The following NOTCH3 variants were observed in gnomAD, a reference collection of about 807,000 sequenced individuals.
NOTCH3 encodes the protein neurogenic locus notch homolog protein 3.
NOTCH3 carries 86 observed loss-of-function variants against 213.3 expected under a neutral mutation model. The ratio of observed to expected loss-of-function variants is 0.40; its 90% confidence interval spans 0.34 to 0.48. The LOEUF (loss-of-function observed/expected upper bound fraction) is 0.48. NOTCH3 is among the 20% of genes least tolerant of loss of function. The pLI, the probability that NOTCH3 is intolerant of heterozygous loss-of-function variation, is 0.57. For missense variants in NOTCH3, 2,783 were observed against 3,272.6 expected (o/e 0.85, Z 3.65); for synonymous variants, 1,354 against 1,355.9 (o/e 1.00, Z 0.03).
rs963043530 is a variant in NOTCH3, at chr19:15,161,829, C to G, written c.5914-115G>C. 1.0e-5 allele frequency: 9 copies of G among 885,616 alleles called. No individual in the cohort carries two copies. The African/African-American group carries it at 1.2e-4, about 11-fold the overall frequency. The allele number at this position is 885,616 out of a possible 1,614,324, so 54.9% of individuals were successfully genotyped here. On this transcript the variant is annotated intron_variant, in intron 32 of 32. Transcript: ENST00000263388. ...GTTTGTACACTGGAGCTTGACAGACCTGGGTTAAATCCCGGCTGTGCTGGG... is the reference window on the plus strand; with the variant it reads ...GTTTGTACACTGGAGCTTGACAGACGTGGGTTAAATCCCGGCTGTGCTGGG...
At chr19:15,192,620 G>T in intron 2 of NOTCH3, 101 bp from the exon 3 acceptor site, 1 of 1,477,122 alleles carries the variant, frequency 6.8e-7, no homozygotes, top group Non-Finnish European at 9.1e-7. Context: ...AAACAGAGCA[G>T]CAAACACACA....
At position 15,192,123 on chromosome 19, in the gene NOTCH3, G is replaced by A. The variant is rs2145441825; in HGVS notation, c.516C>T (p.Gly172=). The A allele has an allele frequency of 6.2e-7, 1 of 1,613,070 alleles. No individual in the cohort carries two copies. Among genetic ancestry groups the A allele is most frequent in the Non-Finnish European group, 8.5e-7 (1 of 1,180,018 alleles). Residue 172 remains glycine, a synonymous_variant, in exon 4 of 33, where the codon GGC becomes GGT. Coordinates refer to ENST00000263388, the MANE Select transcript of NOTCH3 (RefSeq NM_000435.3). Reference sequence around the variant, plus strand: ...AGGAGCCAGGTGTGTTGAGGCAGGTGCCACCATGGCGGCAGGGCTCACCCA... The same window carrying A: ...AGGAGCCAGGTGTGTTGAGGCAGGTACCACCATGGCGGCAGGGCTCACCCA... The part of the protein sequence containing the change: ...CRVGEPCRHG[G]TCLNTPGSFR...
chr19:15,187,202 G>A lies in NOTCH3; in HGVS notation c.1743C>T (p.Ser581=), dbSNP rs980704706. The part of the protein sequence containing the change: ...APGYTGTRCE[S]QVDECRSQPC... ...GCTGGCTGCGGCATTCGTCCACCTG[G>A]CTCTCGCAGCGTGTGCCCGTGTAGC... The change falls in exon 11 of 33, where the codon AGC becomes AGT. Residue 581 remains serine (S), a synonymous_variant. Coordinates refer to ENST00000263388, the MANE Select transcript of NOTCH3 (RefSeq NM_000435.3). 1 of 1,613,946 alleles carries A rather than the reference G, an allele frequency of 6.2e-7. No individual in the cohort carries two copies. The highest frequency in any genetic ancestry group is 1.3e-5 in the African/African-American group (1 of 74,938).
chr19:15,165,728 AC>A lies in NOTCH3; in HGVS notation c.5667+58del. 1 of 1,582,634 alleles carries A rather than the reference AC, an allele frequency of 6.3e-7. No individual in the cohort carries two copies. ...TCTGAAAGGCAGAACTGGGGCTCAA[AC>A]CCAGGTAAGTCTAATGCCTGCCCCA... is the stretch of plus-strand genomic sequence containing the variant. On this transcript the variant is annotated intron_variant, in intron 30 of 32. Transcript: ENST00000263388. This position sits in a 1 kb window ranked among gnomAD's most constrained non-coding sequence, Gnocchi z 4.7.
rs376329316 is a variant in NOTCH3 at position 15,181,570 on chromosome 19, G to A, written c.2792+6C>T. ...TCCCTGCTCTCCAAGCAGAGGCCCC[G>A]CCCACCTGGGGCTGCAGTCGGGCAG... On this transcript the variant is annotated splice_donor_region_variant and intron_variant, in intron 17 of 32. Coordinates refer to ENST00000263388, the MANE Select transcript of NOTCH3 (RefSeq NM_000435.3). 18 of 1,549,154 alleles carry A rather than the reference G, an allele frequency of 1.2e-5. No individual in the cohort carries two copies. Among genetic ancestry groups the A allele is most frequent in the Non-Finnish European group, 3.5e-6 (4 of 1,145,886 alleles).
At chr19:15,166,829 C>G (rs1257058067) in intron 29 of NOTCH3, among the ~76,000 whole-genome samples, 2 of 152,196 alleles carry the variant, frequency 1.3e-5, no homozygotes, top group African/African-American at 2.4e-5. Context: ...CCCCCACCAG[C>G]TCAAAGACAG....
In NOTCH3 at chr19:15,159,076, G is replaced by A. The variant is rs897917853; in HGVS notation, c.*1586C>T. On this transcript the variant is annotated 3_prime_UTR_variant, in exon 33 of 33. Transcript: ENST00000263388. ...GAAGTATTTATTACATGGGTCCAAG[G>A]TTATCTCCAAAACCCATAGGAGCAT... The A allele has an allele frequency of 6.6e-6, 1 of 152,232 alleles. No individual in the cohort carries two copies. Among genetic ancestry groups the A allele is most frequent in the African/African-American group, 2.4e-5 (1 of 41,544 alleles). The allele number at this position is 152,232 out of a possible 1,614,324, so 9.4% of individuals were successfully genotyped here.
intron 24 of NOTCH3, among the ~76,000 whole-genome samples, chr19:15,175,556 C>CAAATAT (rs771312789): frequency 1.1e-5 from 1 of 90,218 alleles, no homozygotes; most frequent in Non-Finnish European, 1.9e-5. Flanking sequence ...AAAAAAAATA[C>CAAATAT]ATATATATAT....
intron 29 of NOTCH3, 80 bp downstream of exon 29, chr19:15,167,169 C>A: frequency 1.3e-6 from 2 of 1,502,950 alleles, no homozygotes; most frequent in African/African-American, 1.4e-5. Context: ...CCAGTTCTCC[C>A]CAAAACACAG....
At chr19:15,200,178 G>C (rs1040473106) in intron 1 of NOTCH3, among the ~76,000 whole-genome samples, 1 of 150,662 alleles carries the variant, frequency 6.6e-6, no homozygotes, top group Admixed American at 6.6e-5. Context: ...CAGGGCCTCC[G>C]GGTCCCCGCG....
rs1424473724 is a variant in NOTCH3 at position 15,160,643 on chromosome 19, C to A, written c.*19G>T. Reference sequence around the variant, plus strand: ...GGGGGTCTCTTTAGGCCCCCAAGATCTAAGAACTGACGAGCGTCTCAGGCC... The same window carrying A: ...GGGGGTCTCTTTAGGCCCCCAAGATATAAGAACTGACGAGCGTCTCAGGCC... On this transcript the variant is annotated 3_prime_UTR_variant, in exon 33 of 33. Transcript: ENST00000263388. 1.2e-6 allele frequency: 2 copies of A among 1,602,438 alleles called. No homozygotes were observed. Among genetic ancestry groups the A allele is most frequent in the Non-Finnish European group, 1.7e-6 (2 of 1,169,476 alleles).
rs116216191 is a variant in NOTCH3 at position 15,166,131 on chromosome 19, G to A, written c.5363-40C>T. ...GTGTGTCAGCAGGAAGGTAAACACAGGGCCTTTTCCAGGAAATGTTATCAA... is the reference window on the plus strand; with the variant it reads ...GTGTGTCAGCAGGAAGGTAAACACAAGGCCTTTTCCAGGAAATGTTATCAA... On this transcript the variant is annotated intron_variant, in intron 29 of 32. Transcript: ENST00000263388. 1,593 of 1,573,486 alleles carry A rather than the reference G, an allele frequency of 1.0e-3. 18 individuals carry two copies. The African/African-American group carries it at 0.02, about 20-fold the overall frequency.
rs1293818512 is a variant in NOTCH3 at position 15,173,042 on chromosome 19, C to T, written c.4736+1026G>A. Among the ~76,000 whole-genome samples, 103 of 15,420 alleles carry T rather than the reference C, an allele frequency of 6.7e-3. 22 individuals carry two copies. Among genetic ancestry groups the T allele is most frequent in the Non-Finnish European group, 0.011 (82 of 7,534 alleles). 10.1% of individuals were successfully genotyped at this position (15,420 alleles called of 152,430 possible). ...TCCTCTTCCTCCCCCTCCCCCTCCC[C>T]CTCCCTCCTCCCTCTTCTTCTTCTT... On this transcript the variant is annotated intron_variant, in intron 25 of 32. Transcript: ENST00000263388.
At chr19:15,193,668 G>C (rs920585638) in intron 2 of NOTCH3, among the ~76,000 whole-genome samples, 21 of 151,266 alleles carry the variant, frequency 1.4e-4, no homozygotes, top group African/African-American at 4.9e-4. Flanking sequence ...CTACTCTGGA[G>C]GCTGAGGCAG....
intron 28 of NOTCH3, 113 bp from the exon 29 acceptor site, chr19:15,167,524 G>T (rs552713969): frequency 0.012 from 11,100 of 907,944 alleles, 248 homozygotes; most frequent in Admixed American, 0.084. Flanking sequence ...GATACACACA[G>T]AGCCCTGGGA....
In NOTCH3 at chr19:15,160,413, G is replaced by C. The variant is rs1238265673; in HGVS notation, c.*249C>G. On this transcript the variant is annotated 3_prime_UTR_variant, in exon 33 of 33. Coordinates refer to ENST00000263388, the MANE Select transcript of NOTCH3 (RefSeq NM_000435.3). ...AGGAATGAGGGAAGAGAGAAGTGGGGAAGAAGGAGGTCCCAGACTCTTCAC... is the reference window on the plus strand; with the variant it reads ...AGGAATGAGGGAAGAGAGAAGTGGGCAAGAAGGAGGTCCCAGACTCTTCAC... 3.7e-6 allele frequency: 2 copies of C among 546,742 alleles called. No homozygotes were observed. The highest frequency in any genetic ancestry group is 3.8e-5 in the African/African-American group (2 of 53,028). The allele number at this position is 546,742 out of a possible 1,614,324, so 33.9% of individuals were successfully genotyped here.
Position 15,190,164 on chromosome 19 carries a change from C to A in NOTCH3, c.1037-736G>T, listed in dbSNP as rs1194710919. ...TGGCGCACGCCTGTAATCCCAGCTACTTGGGGGACTGAGGTGGGAGGATCA... is the reference window on the plus strand; with the variant it reads ...TGGCGCACGCCTGTAATCCCAGCTAATTGGGGGACTGAGGTGGGAGGATCA... On this transcript the variant is annotated intron_variant, in intron 6 of 32. Transcript: ENST00000263388. Among the ~76,000 whole-genome samples, 3 of 152,082 alleles carry A rather than the reference C, an allele frequency of 2.0e-5. No individual in the cohort carries two copies. In the East Asian group the frequency reaches 5.8e-4, roughly 29 times the overall value.
At chr19:15,163,774 A>G (rs7245850) in intron 31 of NOTCH3, among the ~76,000 whole-genome samples, 1 of 152,132 alleles carries the variant, frequency 6.6e-6, no homozygotes, top group East Asian at 1.9e-4. Flanking sequence ...GAGGCTGCAG[A>G]GAGCCGTAAT....
In NOTCH3 at chr19:15,170,316, G is replaced by C; in HGVS notation, c.5114+15C>G. 2 of 1,608,606 alleles carry C rather than the reference G, an allele frequency of 1.2e-6. No individual in the cohort carries two copies. The highest frequency in any genetic ancestry group is 1.7e-6 in the Non-Finnish European group (2 of 1,176,240). ...GTCCCCGTAGTCAGGGACAGGGAGCGAGCAGGGTTCTCACTTCATGCCCAG... is the reference window on the plus strand; with the variant it reads ...GTCCCCGTAGTCAGGGACAGGGAGCCAGCAGGGTTCTCACTTCATGCCCAG... On this transcript the variant is annotated intron_variant, in intron 27 of 32. Coordinates refer to ENST00000263388, the MANE Select transcript of NOTCH3 (RefSeq NM_000435.3).
Sources: allele counts gnomAD v4.1 joint callset (sites outside exome capture counted in the v4.1 genomes callset), GRCh38; gene constraint gnomAD v4.1.1; non-coding constraint Gnocchi (gnomAD v3.1); transcripts MANE v1.5; gene names NCBI Gene and HGNC (gene_info 2026-07-23, HGNC 2026-07-21).